The following SLIT2 variants were observed in gnomAD, a reference collection of about 807,000 sequenced individuals.
SLIT2 encodes slit homolog 2 protein.
SLIT2 carries 41 observed loss-of-function variants against 185.7 expected under a neutral mutation model. The observed-to-expected ratio is 0.22, with a 90% CI of 0.17 to 0.29. The LOEUF is 0.29. SLIT2 is among the 10% of genes least tolerant of loss of function. The probability of loss-of-function intolerance (pLI) is 1.00; values close to 1 mark genes in which losing one functional copy is unlikely to be tolerated. For synonymous variants in SLIT2, 693 were observed against 680.2 expected (o/e 1.02, Z -0.29); for missense variants, 1,571 against 1,909.0 (o/e 0.82, Z 3.30).
chr4:20,529,194 A>G (rs1050067227), intron 16 of SLIT2, 95 bp downstream of exon 16: 2 of 903,856 alleles, frequency 2.2e-6, no homozygotes, highest in Non-Finnish European at 3.2e-6. Flanking sequence ...ATTATTAATA[A>G]TTGCATTAAT....
chr4:20,331,350 A>T (rs1202162288), intron 4 of SLIT2, among the ~76,000 whole-genome samples: 1 of 152,150 alleles, frequency 6.6e-6, no homozygotes, highest in African/African-American at 2.4e-5. Context: ...TTACAAAAGA[A>T]GTGTTATTGA....
intron 21 of SLIT2, 106 bp downstream of exon 21, chr4:20,542,732 A>T (rs1289771412): frequency 1.7e-6 from 2 of 1,196,026 alleles, no homozygotes; most frequent in East Asian, 4.7e-5. Context: ...TACAAATCAT[A>T]TTCTAAGGCC....
intron 3 of SLIT2, among the ~76,000 whole-genome samples, chr4:20,261,307 CAAAT>C (rs1159305567): frequency 2.0e-5 from 3 of 151,982 alleles, no homozygotes; most frequent in African/African-American, 7.2e-5. Flanking sequence ...AAAAAAGTCA[CAAAT>C]AAGCTGCAGT....
chr4:20,389,815 A>G (rs1214596618), intron 4 of SLIT2, among the ~76,000 whole-genome samples: 1 of 152,140 alleles, frequency 6.6e-6, no homozygotes, highest in Non-Finnish European at 1.5e-5. Flanking sequence ...CAGCAAAGTC[A>G]GTTATCATTA....
chr4:20,267,834 G>A (rs1381439326), intron 3 of SLIT2, among the ~76,000 whole-genome samples: 3 of 151,744 alleles, frequency 2.0e-5, no homozygotes, highest in African/African-American at 7.3e-5. Flanking sequence ...TTTCCTCAGT[G>A]TGACATTACC....
intron 4 of SLIT2, among the ~76,000 whole-genome samples, chr4:20,301,324 G>A (rs774794239): frequency 7.9e-5 from 12 of 152,160 alleles, no homozygotes; most frequent in Non-Finnish European, 1.3e-4. Context: ...GAAACTTTCT[G>A]TATGAGAATG....
intron 3 of SLIT2, among the ~76,000 whole-genome samples, chr4:20,260,988 CATT>C (rs1315719464): frequency 2.0e-5 from 3 of 151,666 alleles, no homozygotes; most frequent in Non-Finnish European, 4.4e-5. Context: ...GATAACACAT[CATT>C]GTCAGAATGT....
intron 11 of SLIT2, among the ~76,000 whole-genome samples, chr4:20,514,244 T>C (rs962703606): frequency 4.6e-5 from 7 of 152,204 alleles, no homozygotes; most frequent in Non-Finnish European, 8.8e-5. Context: ...AGAACTGTAC[T>C]CAAGAATATA....
intron 4 of SLIT2, among the ~76,000 whole-genome samples, chr4:20,324,957 TA>T (rs1719433585): frequency 6.6e-6 from 1 of 152,142 alleles, no homozygotes; most frequent in Admixed American, 6.6e-5. Context: ...CTTTTTGGTC[TA>T]GTTTTCAACT....
chr4:20,274,937 T>C (rs768332290), intron 4 of SLIT2, among the ~76,000 whole-genome samples: 13 of 152,196 alleles, frequency 8.5e-5, no homozygotes, highest in Non-Finnish European at 1.6e-4. Flanking sequence ...CAGCTGTTGC[T>C]AACGTCTGAC....
In SLIT2 at chr4:20,596,559, G is replaced by C; in HGVS notation, c.3465G>C (p.Lys1155Asn). 6.2e-7 allele frequency: 1 copy of C among 1,614,022 alleles called. No homozygotes were observed. The highest frequency in any genetic ancestry group is 1.1e-5 in the South Asian group (1 of 91,078). ...GTTTGCCTGGCTATCAGGGAGAAAA[G>C]TGTGAAAAATTGGTTAGTGTGAATT... ...CQCLPGYQGE[K>N]CEKLVSVNFI... The change falls in exon 32 of 37, where the codon AAG (lysine) becomes AAC (asparagine). Residue 1155 changes from lysine (K) to asparagine (N), a missense_variant. This residue lies in a region of SLIT2 where 146 missense variants were observed against 247.4 expected (regional missense o/e 0.59). Transcript: ENST00000504154.
At chr4:20,332,062 C>T (rs989677313) in intron 4 of SLIT2, among the ~76,000 whole-genome samples, 2 of 152,110 alleles carry the variant, frequency 1.3e-5, no homozygotes, top group African/African-American at 2.4e-5. Flanking sequence ...TTTTAGCTGT[C>T]GTGAATTATG....
intron 16 of SLIT2, among the ~76,000 whole-genome samples, chr4:20,530,098 A>ATT (rs34101661): frequency 0.14 from 20,957 of 147,858 alleles, 1,597 homozygotes; most frequent in East Asian, 0.34. Context: ...AGTTATAGTG[A>ATT]TTTTTTTTTT....
At chr4:20,548,030 T>C (rs1313477942) in intron 22 of SLIT2, among the ~76,000 whole-genome samples, 1 of 152,062 alleles carries the variant, frequency 6.6e-6, no homozygotes, top group African/African-American at 2.4e-5. Context: ...AGTGAACATA[T>C]GTATCAATGA....
chr4:20,410,367 G>T (rs1216860256), intron 4 of SLIT2, among the ~76,000 whole-genome samples: 3 of 147,418 alleles, frequency 2.0e-5, no homozygotes, highest in Non-Finnish European at 4.5e-5. Flanking sequence ...TACTGCCTCA[G>T]CCTCCCAAGT....
chr4:20,538,315 C>G (rs538325556), intron 18 of SLIT2, among the ~76,000 whole-genome samples: 2 of 152,216 alleles, frequency 1.3e-5, no homozygotes, highest in Non-Finnish European at 2.9e-5. Flanking sequence ...AGATTAAGAC[C>G]CAGTGCTCTT....
chr4:20,352,982 C>T (rs540387979), intron 4 of SLIT2, among the ~76,000 whole-genome samples: 2 of 152,242 alleles, frequency 1.3e-5, no homozygotes, highest in African/African-American at 2.4e-5. Flanking sequence ...ATATAGATTA[C>T]ACACCTTTAT....
intron 9 of SLIT2, among the ~76,000 whole-genome samples, chr4:20,500,393 G>A (rs1362997093): frequency 6.6e-6 from 1 of 152,116 alleles, no homozygotes; most frequent in Non-Finnish European, 1.5e-5. Context: ...GCATTTTGCA[G>A]TTTTACACAT....
intron 4 of SLIT2, among the ~76,000 whole-genome samples, chr4:20,381,136 G>A (rs534709562): frequency 6.6e-6 from 1 of 152,012 alleles, no homozygotes; most frequent in Non-Finnish European, 1.5e-5. Flanking sequence ...GCCTGTAATC[G>A]TAGCTACTCG....
Sources: allele counts gnomAD v4.1 joint callset (sites outside exome capture counted in the v4.1 genomes callset), GRCh38; gene constraint gnomAD v4.1.1; regional missense constraint gnomAD v4.1.1; transcripts MANE v1.5; gene names NCBI Gene and HGNC (gene_info 2026-07-23, HGNC 2026-07-21).